FGF12: variants seen among roughly 807,000 people sequenced by gnomAD.
FGF12 encodes fibroblast growth factor 12B.
In FGF12, 14 loss-of-function variants were observed where a neutral mutation model predicts 23.6. That is an observed-to-expected ratio of 0.59 (90% CI 0.39 to 0.93). The LOEUF (loss-of-function observed/expected upper bound fraction) is 0.93. FGF12 is among the 40% of genes least tolerant of loss of function. The pLI, the probability that FGF12 is intolerant of heterozygous loss-of-function variation, is 0.00. For synonymous variants in FGF12, 62 were observed against 77.3 expected (o/e 0.80, Z 1.04); for missense variants, 175 against 217.8 (o/e 0.80, Z 1.24).
At chr3:192,717,203 T>C (rs550861947) in intron 2 of FGF12, among the ~76,000 whole-genome samples, 22 of 152,304 alleles carry the variant, frequency 1.4e-4, no homozygotes, top group African/African-American at 4.8e-4. Context: ...AAGACTATAC[T>C]AAAGTATGCC....
chr3:192,530,493 G>T (rs964934601), intron 2 of FGF12, among the ~76,000 whole-genome samples: 1 of 152,098 alleles, frequency 6.6e-6, no homozygotes. Context: ...CATCCTTGAA[G>T]ATTTATTCAA....
intron 4 of FGF12, among the ~76,000 whole-genome samples, chr3:192,292,803 G>A (rs928840970): frequency 3.3e-5 from 5 of 152,110 alleles, no homozygotes; most frequent in African/African-American, 7.2e-5. Flanking sequence ...TTGAGACAAA[G>A]TCTCGCTTGG....
At chr3:192,160,895 G>T (rs1714831716) in intron 5 of FGF12, among the ~76,000 whole-genome samples, 1 of 151,920 alleles carries the variant, frequency 6.6e-6, no homozygotes, top group South Asian at 2.1e-4. Context: ...CCAATATAAA[G>T]GTAAAATAGA....
intron 2 of FGF12, among the ~76,000 whole-genome samples, chr3:192,646,179 C>T (rs1220241615): frequency 2.0e-5 from 3 of 151,980 alleles, no homozygotes; most frequent in African/African-American, 7.2e-5. Context: ...AAGAGATCTA[C>T]TTATGCAGAG....
intron 4 of FGF12, among the ~76,000 whole-genome samples, chr3:192,332,064 T>C (rs958828773): frequency 2.0e-4 from 30 of 152,116 alleles, no homozygotes; most frequent in African/African-American, 7.2e-4. Context: ...CAAACAAAAG[T>C]TCTATGCATA....
chr3:192,404,585 C>A (rs1720887735), intron 2 of FGF12, among the ~76,000 whole-genome samples: 1 of 152,174 alleles, frequency 6.6e-6, no homozygotes, highest in South Asian at 2.1e-4. Flanking sequence ...GTGTGCCTGA[C>A]TAATACAGCC....
At chr3:192,242,542 G>C (rs1719675481) in intron 4 of FGF12, among the ~76,000 whole-genome samples, 1 of 151,998 alleles carries the variant, frequency 6.6e-6, no homozygotes, top group African/African-American at 2.4e-5. Flanking sequence ...AGCAAGTAAT[G>C]ATCAGTCAGG....
intron 2 of FGF12, among the ~76,000 whole-genome samples, chr3:192,376,550 C>T (rs923053529): frequency 3.3e-5 from 5 of 151,730 alleles, no homozygotes; most frequent in East Asian, 1.9e-4. Context: ...TTAGTAGAGA[C>T]GGGGTTGCTC....
At chr3:192,577,903 C>G (rs2108611536) in intron 2 of FGF12, among the ~76,000 whole-genome samples, 1 of 152,202 alleles carries the variant, frequency 6.6e-6, no homozygotes, top group East Asian at 1.9e-4. Context: ...AAGGATGCTT[C>G]AATTCAAACA....
Position 192,408,205 on chromosome 3 carries a change from T to C in FGF12, c.14-47667A>G. 6.2e-7 allele frequency: 1 copy of C among 1,604,646 alleles called. No individual in the cohort carries two copies. The highest frequency in any genetic ancestry group is 8.5e-7 in the Non-Finnish European group (1 of 1,178,864). On this transcript the variant is annotated intron_variant, in intron 2 of 5. Coordinates refer to ENST00000445105, the MANE Select transcript of FGF12 (RefSeq NM_004113.6). The surrounding 1 kb of genome is among the most constrained non-coding windows in gnomAD (Gnocchi z 7.3). ...TGCCGCTTCTGCCGGATCAAGGAGC[T>C]GGCTATCGCCGCAGCCATAGCTGCT...
chr3:192,404,612 A>C (rs1720889159), intron 2 of FGF12, among the ~76,000 whole-genome samples: 1 of 152,218 alleles, frequency 6.6e-6, no homozygotes, highest in Non-Finnish European at 1.5e-5. Flanking sequence ...CACATAAATA[A>C]TGACTCAAAT....
At chr3:192,669,201 G>T (rs1717011792) in intron 2 of FGF12, among the ~76,000 whole-genome samples, 2 of 152,116 alleles carry the variant, frequency 1.3e-5, no homozygotes, top group African/African-American at 2.4e-5. Flanking sequence ...GATAGAAAAT[G>T]CAAAACATGA....
chr3:192,597,375 C>T (rs181044516), intron 2 of FGF12, among the ~76,000 whole-genome samples: 135 of 152,188 alleles, frequency 8.9e-4, no homozygotes, highest in Middle Eastern at 3.4e-3. Flanking sequence ...TTGACTAGTA[C>T]ACTAAGAAAT....
chr3:192,311,399 T>C (rs1715924307), intron 4 of FGF12, among the ~76,000 whole-genome samples: 2 of 152,320 alleles, frequency 1.3e-5, no homozygotes, highest in East Asian at 1.9e-4. Flanking sequence ...TGATAAAGTA[T>C]ATCTTTTGTG....
At chr3:192,307,298 G>A (rs1715696075) in intron 4 of FGF12, among the ~76,000 whole-genome samples, 1 of 152,124 alleles carries the variant, frequency 6.6e-6, no homozygotes, top group African/African-American at 2.4e-5. Context: ...TATCTATGAT[G>A]CCAGATAAAA....
chr3:192,480,935 TC>T, intron 2 of FGF12, among the ~76,000 whole-genome samples: 1 of 152,286 alleles, frequency 6.6e-6, no homozygotes, highest in East Asian at 1.9e-4. Context: ...TACTCCATGA[TC>T]CGTTTAAAAT....
At chr3:192,375,430 A>T (rs1576923727) in intron 2 of FGF12, among the ~76,000 whole-genome samples, 1 of 152,290 alleles carries the variant, frequency 6.6e-6, no homozygotes, top group Non-Finnish European at 1.5e-5. Flanking sequence ...TAATCCTTAC[A>T]TATCTAACAT....
At chr3:192,452,818 A>T (rs1421851159) in intron 2 of FGF12, among the ~76,000 whole-genome samples, 1 of 152,148 alleles carries the variant, frequency 6.6e-6, no homozygotes, top group Non-Finnish European at 1.5e-5. Context: ...CTTGCAGATG[A>T]TCAGTCTTTT....
chr3:192,493,958 T>C (rs1303564890), intron 2 of FGF12, among the ~76,000 whole-genome samples: 6 of 152,148 alleles, frequency 3.9e-5, no homozygotes, highest in Non-Finnish European at 8.8e-5. Context: ...GAACTAGCTA[T>C]ATACCAAGGA....
Sources: gnomAD v4.1 joint callset for allele counts (sites outside exome capture counted in the v4.1 genomes callset) on GRCh38, gnomAD v4.1.1 for gene constraint, Gnocchi (gnomAD v3.1) non-coding constraint, MANE v1.5 for transcripts, NCBI Gene and HGNC (gene_info 2026-07-23, HGNC 2026-07-21) for gene names.